The following TRAPPC8 variants were observed in gnomAD, a reference collection of about 807,000 sequenced individuals.
TRAPPC8 encodes general sporulation gene 1 homolog.
A neutral mutation model predicts 174.3 loss-of-function variants in TRAPPC8; 54 were observed. That is an observed-to-expected ratio of 0.31 (90% CI 0.25 to 0.39). The LOEUF (loss-of-function observed/expected upper bound fraction) is 0.39, where lower values mean the gene tolerates loss of function less well. Among genes scored for constraint, TRAPPC8 ranks in the 10% least tolerant of loss-of-function variants. The pLI is 1.00. For synonymous variants in TRAPPC8, 630 were observed against 579.9 expected, an observed-to-expected ratio of 1.09 and a Z score of -1.24; for missense variants, 1,531 against 1,699.1, an observed-to-expected ratio of 0.90 and a Z score of 1.74.
chr18:31,920,028 A>T (rs2037317122), intron 2 of TRAPPC8, among the ~76,000 whole-genome samples: 1 of 152,218 alleles, frequency 6.6e-6, no homozygotes, highest in Non-Finnish European at 1.5e-5. Flanking sequence ...ACTCAGTCAA[A>T]GTAAGTCTAC....
intron 2 of TRAPPC8, among the ~76,000 whole-genome samples, chr18:31,930,413 C>A (rs1475274411): frequency 6.6e-6 from 1 of 152,218 alleles, no homozygotes; most frequent in East Asian, 1.9e-4. Context: ...AGCCACCACG[C>A]CTGGCTGCTT....
intron 18 of TRAPPC8, among the ~76,000 whole-genome samples, chr18:31,865,018 A>G (rs1180133814): frequency 6.6e-6 from 1 of 152,076 alleles, no homozygotes; most frequent in African/African-American, 2.4e-5. Flanking sequence ...AAAAGACTAC[A>G]CATTACTCAA....
intron 16 of TRAPPC8, among the ~76,000 whole-genome samples, chr18:31,867,913 A>G (rs2034666873): frequency 1.3e-5 from 2 of 152,138 alleles, no homozygotes; most frequent in Admixed American, 6.5e-5. Context: ...CGCCACCAAG[A>G]TAATAAAACC....
rs971800259 is a variant in TRAPPC8 at position 31,942,848 on chromosome 18, CCCGCCGG to C, written c.-91_-85del. The stretch of plus-strand genomic sequence containing the variant: ...GCGGCTGCAGCAGCTACCGCCGCCG[CCCGCCGG>C]CCTGGCCCGGCCGGGCGGGGCCCCG... On this transcript the variant is annotated 5_prime_UTR_variant, in exon 1 of 29. Transcript: ENST00000283351. 2.3e-4 allele frequency: 286 copies of C among 1,262,658 alleles called. No homozygotes were observed. The highest frequency in any genetic ancestry group is 2.8e-4 in the Non-Finnish European group (278 of 1,002,188). 78.2% of individuals were successfully genotyped at this position (1,262,658 alleles called of 1,614,324 possible).
chr18:31,937,690 T>G (rs2038165396), intron 1 of TRAPPC8: 1 of 152,172 alleles, frequency 6.6e-6, no homozygotes, highest in African/African-American at 2.4e-5. Context: ...TCAAAAGTTA[T>G]ATCCTAGTCT....
intron 18 of TRAPPC8, 68 bp from the exon 19 acceptor site, chr18:31,864,849 T>G (rs1192927832): frequency 7.7e-7 from 1 of 1,293,532 alleles, no homozygotes; most frequent in Admixed American, 2.7e-5. Flanking sequence ...TTAACTTGAA[T>G]ATGTGAATAT....
chr18:31,836,080 T>G (rs2032697668), intron 27 of TRAPPC8, among the ~76,000 whole-genome samples: 1 of 152,208 alleles, frequency 6.6e-6, no homozygotes, highest in Non-Finnish European at 1.5e-5. Context: ...TGAAATGGTT[T>G]GTTATGAAGC....
intron 20 of TRAPPC8, 119 bp downstream of exon 20, chr18:31,857,421 C>A: frequency 2.3e-6 from 2 of 859,132 alleles, no homozygotes; most frequent in South Asian, 3.0e-5. Context: ...TATAAATATC[C>A]TGCATAATCT....
chr18:31,867,812 G>A (rs2034661097), intron 16 of TRAPPC8, among the ~76,000 whole-genome samples: 1 of 152,030 alleles, frequency 6.6e-6, no homozygotes, highest in Admixed American at 6.6e-5. Context: ...CCGGGAGGTG[G>A]AGGTTGCAGT....
chr18:31,834,088 G>GGTTGTTGTTGTTGTT (rs35486513), intron 27 of TRAPPC8, among the ~76,000 whole-genome samples: 34 of 148,934 alleles, frequency 2.3e-4, no homozygotes, highest in African/African-American at 7.0e-4. Context: ...ATCACATTTT[G>GGTTGTTGTTGTTGTT]GTTGTTGTTG....
chr18:31,879,061 A>T (rs2035296627), intron 12 of TRAPPC8, among the ~76,000 whole-genome samples: 1 of 152,210 alleles, frequency 6.6e-6, no homozygotes. Context: ...AACACTAGAC[A>T]GATCATCGAG....
intron 26 of TRAPPC8, among the ~76,000 whole-genome samples, chr18:31,843,315 C>T (rs1057249943): frequency 7.9e-5 from 12 of 152,154 alleles, no homozygotes; most frequent in African/African-American, 2.6e-4. Context: ...ATTAAGTGAG[C>T]TGAATGAATG....
chr18:31,897,435 T>A (rs2036230191), intron 11 of TRAPPC8, among the ~76,000 whole-genome samples: 1 of 152,166 alleles, frequency 6.6e-6, no homozygotes, highest in African/African-American at 2.4e-5. Context: ...GATAACAAAA[T>A]ATGAGTAACA....
chr18:31,872,189 G>A (rs1225846442), intron 14 of TRAPPC8, among the ~76,000 whole-genome samples: 2 of 151,852 alleles, frequency 1.3e-5, no homozygotes, highest in African/African-American at 4.8e-5. Flanking sequence ...TTATCGATGG[G>A]AGCATGTAGT....
chr18:31,885,737 G>A (rs142433470), intron 12 of TRAPPC8, among the ~76,000 whole-genome samples: 3,384 of 151,618 alleles, frequency 0.022, 118 homozygotes, highest in African/African-American at 0.076. Context: ...GTGCATGCCC[G>A]TAATCCCAGC....
intron 12 of TRAPPC8, among the ~76,000 whole-genome samples, chr18:31,884,609 C>CT (rs926520324): frequency 1.4e-4 from 22 of 151,900 alleles, no homozygotes; most frequent in Admixed American, 2.0e-4. Context: ...CAAGAAAAGG[C>CT]TTTTTTTTCA....
chr18:31,834,091 T>G (rs996309805), intron 27 of TRAPPC8, among the ~76,000 whole-genome samples: 10 of 88,976 alleles, frequency 1.1e-4, no homozygotes, highest in South Asian at 9.2e-4. Context: ...ACATTTTGGT[T>G]GTTGTTGTTG....
At chr18:31,911,578 A>G (rs2036905435) in intron 5 of TRAPPC8, among the ~76,000 whole-genome samples, 1 of 151,794 alleles carries the variant, frequency 6.6e-6, no homozygotes, top group Non-Finnish European at 1.5e-5. Flanking sequence ...ATCTCTACTA[A>G]AAATACAAAA....
In TRAPPC8 at chr18:31,857,715, C is replaced by G; in HGVS notation, c.3013G>C (p.Gly1005Arg). Residue 1005 changes from glycine (G) to arginine (R), a missense_variant, in exon 20 of 29, where the codon GGC (glycine) becomes CGC (arginine). Coordinates refer to ENST00000283351, the MANE Select transcript of TRAPPC8 (RefSeq NM_014939.5). ...LISSASSVDF[G>R]IGTGSQPEVI... ...TCTGGTTGACTTCCTGTGCCAATGC[C>G]AAAGTCTACAGAAGAAGCTGATGAT... is the stretch of plus-strand genomic sequence containing the variant. 6.2e-7 allele frequency: 1 copy of G among 1,614,068 alleles called. No homozygotes were observed. Among genetic ancestry groups the G allele is most frequent in the South Asian group, 1.1e-5 (1 of 91,062 alleles).
Sources: allele counts gnomAD v4.1 joint callset (sites outside exome capture counted in the v4.1 genomes callset), GRCh38; gene constraint gnomAD v4.1.1; transcripts MANE v1.5; gene names NCBI Gene and HGNC (gene_info 2026-07-23, HGNC 2026-07-21).